The following SEMA4D variants were observed in gnomAD, a reference collection of about 807,000 sequenced individuals.
SEMA4D encodes semaphorin-4D.
Under a neutral mutation model 74.8 loss-of-function variants are expected in SEMA4D, and 22 were observed. The ratio of observed to expected loss-of-function variants is 0.29; its 90% CI spans 0.21 to 0.42. The LOEUF is 0.42. Ranked by LOEUF, SEMA4D falls within the 10% of genes least tolerant of loss-of-function variation. SEMA4D has a pLI of 1.00. For missense variants in SEMA4D, 937 were observed against 1,118.4 expected (o/e 0.84, Z 2.31); for synonymous variants, 445 against 463.7 (o/e 0.96, Z 0.52).
At chr9:89,478,548 CATT>C (rs944740168) in intron 1 of SEMA4D, among the ~76,000 whole-genome samples, 3 of 152,194 alleles carry the variant, frequency 2.0e-5, no homozygotes, top group African/African-American at 7.2e-5. Context: ...AGCTACCAGA[CATT>C]CATCCCTATG....
chr9:89,417,457 C>G (rs973209493), intron 2 of SEMA4D, among the ~76,000 whole-genome samples: 7 of 152,164 alleles, frequency 4.6e-5, no homozygotes, highest in Non-Finnish European at 7.3e-5. Context: ...TAAAAGCCAG[C>G]AGAATAAAAA....
intron 1 of SEMA4D, among the ~76,000 whole-genome samples, chr9:89,465,532 G>T (rs1458209196): frequency 6.6e-6 from 1 of 152,190 alleles, no homozygotes; most frequent in Non-Finnish European, 1.5e-5. Flanking sequence ...TGCTGGAAAT[G>T]TCTTGGAGCT....
intron 2 of SEMA4D, among the ~76,000 whole-genome samples, chr9:89,411,334 C>T (rs1587686200): frequency 6.6e-6 from 1 of 152,198 alleles, no homozygotes. Context: ...AGTTGCATAG[C>T]CCCCATTACA....
chr9:89,446,057 C>T (rs960521279), intron 2 of SEMA4D, among the ~76,000 whole-genome samples: 6 of 152,128 alleles, frequency 3.9e-5, no homozygotes, highest in African/African-American at 1.4e-4. Context: ...AACAGCTTTC[C>T]TTAGTCTACC....
chr9:89,448,837 C>A (rs577826291), intron 2 of SEMA4D, among the ~76,000 whole-genome samples: 1 of 152,336 alleles, frequency 6.6e-6, no homozygotes, highest in Admixed American at 6.5e-5. Flanking sequence ...GTGTGTCCTG[C>A]AGCTGCATAG....
intron 13 of SEMA4D, among the ~76,000 whole-genome samples, chr9:89,384,113 C>T (rs1249807373): frequency 6.6e-6 from 1 of 152,148 alleles, no homozygotes; most frequent in East Asian, 1.9e-4. Context: ...TCGGTGGGCT[C>T]AGAGAGGGCC....
intron 18 of SEMA4D, chr9:89,362,502 T>G: frequency 6.2e-7 from 1 of 1,613,294 alleles, no homozygotes; most frequent in Non-Finnish European, 8.5e-7. Context: ...CCAGTCTGTC[T>G]CATAGCCCAT....
intron 3 of SEMA4D, among the ~76,000 whole-genome samples, chr9:89,404,643 C>CAG (rs1587630669): frequency 6.8e-6 from 1 of 148,110 alleles, no homozygotes; most frequent in East Asian, 2.1e-4. Context: ...GTCCCCATCC[C>CAG]GACCTCAGCC....
intron 7 of SEMA4D, 152 bp from the exon 8 acceptor site, chr9:89,392,688 GGTGTCCTGT>G: frequency 1.6e-6 from 1 of 616,272 alleles, no homozygotes; most frequent in Non-Finnish European, 2.9e-6. Context: ...CAACTTTTGG[GGTGTCCTGT>G]GTCTTCTAGT....
chr9:89,480,591 A>T (rs1407467901), intron 1 of SEMA4D, among the ~76,000 whole-genome samples: 1 of 152,228 alleles, frequency 6.6e-6, no homozygotes, highest in Non-Finnish European at 1.5e-5. Flanking sequence ...CCCGGTGAGA[A>T]ATCGAGCACA....
chr9:89,438,999 TA>T (rs1157586292), intron 2 of SEMA4D, among the ~76,000 whole-genome samples: 1 of 79,004 alleles, frequency 1.3e-5, no homozygotes, highest in African/African-American at 5.1e-5. Context: ...TTTTTTTTTT[TA>T]ACATGGAGTC....
intron 1 of SEMA4D, among the ~76,000 whole-genome samples, chr9:89,481,843 G>T (rs572640103): frequency 6.6e-6 from 1 of 152,372 alleles, no homozygotes; most frequent in South Asian, 2.1e-4. Context: ...GCATCGCAGG[G>T]CTGGCTCCAT....
At chr9:89,468,844 TTAA>T (rs1455608032) in intron 1 of SEMA4D, among the ~76,000 whole-genome samples, 3 of 152,260 alleles carry the variant, frequency 2.0e-5, no homozygotes, top group African/African-American at 7.2e-5. Context: ...GTAGCTCCTA[TTAA>T]CTTACCACTC....
downstream of SEMA4D, chr9:89,376,699 C>G: frequency 2.3e-6 from 3 of 1,316,190 alleles, no homozygotes; most frequent in East Asian, 2.6e-5. Flanking sequence ...CGGCTCAACC[C>G]GAGGGACGCA....
chr9:89,460,695 G>A (rs756187776), intron 1 of SEMA4D, among the ~76,000 whole-genome samples: 31 of 152,196 alleles, frequency 2.0e-4, no homozygotes, highest in Non-Finnish European at 4.4e-4. Context: ...CCTGGAGGCC[G>A]CAGAGCAAGG....
chr9:89,455,375 C>T (rs536873122), intron 2 of SEMA4D, among the ~76,000 whole-genome samples: 4 of 152,358 alleles, frequency 2.6e-5, no homozygotes, highest in African/African-American at 7.2e-5. Context: ...TCCCTGAACA[C>T]GGGGCATGGG....
Position 89,378,110 on chromosome 9 carries a change from C to T in SEMA4D, c.*594G>A, listed in dbSNP as rs1179106989. On this transcript the variant is annotated 3_prime_UTR_variant, in exon 16 of 16. Transcript: ENST00000422704. ...AAGCAACGTAAGCCGTATTTTATGC[C>T]AAATATATAACAAAATCTGGAAGAT... 1 of 152,276 alleles carries T rather than the reference C, an allele frequency of 6.6e-6. No homozygotes were observed. The highest frequency in any genetic ancestry group is 2.4e-5 in the African/African-American group (1 of 41,314). 9.4% of individuals were successfully genotyped at this position (152,276 alleles called of 1,614,324 possible).
At chr9:89,431,125 G>A (rs1258010202) in intron 2 of SEMA4D, among the ~76,000 whole-genome samples, 1 of 152,190 alleles carries the variant, frequency 6.6e-6, no homozygotes, top group Non-Finnish European at 1.5e-5. Flanking sequence ...ATGCAAAGAG[G>A]AGAAGATAAA....
intron 2 of SEMA4D, chr9:89,417,910 T>G (rs943682475): frequency 1.2e-5 from 2 of 168,982 alleles, no homozygotes; most frequent in Non-Finnish European, 2.4e-5. Flanking sequence ...GCCCAAGGGA[T>G]GGCAGCCAAG....
Sources: allele counts gnomAD v4.1 joint callset (sites outside exome capture counted in the v4.1 genomes callset), GRCh38; gene constraint gnomAD v4.1.1; transcripts MANE v1.5; gene names NCBI Gene and HGNC (gene_info 2026-07-23, HGNC 2026-07-21).